Variants in TRPC1 observed in about 807,000 individuals in gnomAD.
TRPC1 encodes short transient receptor potential channel 1.
Under a neutral mutation model 88.2 loss-of-function variants are expected in TRPC1, and 42 were observed. The observed-to-expected ratio is 0.48, with a 90% confidence interval of 0.37 to 0.62. The LOEUF (loss-of-function observed/expected upper bound fraction) is 0.62. Among genes scored for constraint, TRPC1 ranks in the 20% least tolerant of loss-of-function variants. TRPC1 has a pLI of 0.00. For synonymous variants in TRPC1, 288 were observed against 331.8 expected (o/e 0.87, Z 1.43); for missense variants, 699 against 957.3 (o/e 0.73, Z 3.56).
intron 10 of TRPC1, among the ~76,000 whole-genome samples, chr3:142,802,748 GA>G (rs1936661804): frequency 6.6e-6 from 1 of 152,020 alleles, no homozygotes; most frequent in Non-Finnish European, 1.5e-5. Flanking sequence ...CACTTTTTAA[GA>G]GGTCATTAGA....
Position 142,799,271 on chromosome 3 carries a change from AG to A in TRPC1, c.1582-2897del, listed in dbSNP as rs578041481. 3.3e-4 allele frequency among the ~76,000 whole-genome samples: 50 copies of A among 152,236 alleles called. 1 individual carries two copies. The South Asian group carries it at 0.01, about 31-fold the overall frequency. On this transcript the variant is annotated intron_variant, in intron 9 of 12. Coordinates refer to ENST00000476941, the MANE Select transcript of TRPC1 (RefSeq NM_001251845.2). ...ATTACCTTTCTCTTTTCATTTCACA[AG>A]TTTTCATATTTCTCAAGTTAAACCG...
At chr3:142,730,052 T>C (rs1275587664) in intron 1 of TRPC1, among the ~76,000 whole-genome samples, 1 of 152,172 alleles carries the variant, frequency 6.6e-6, no homozygotes, top group Non-Finnish European at 1.5e-5. Flanking sequence ...ATATGTATAA[T>C]TCAAATGTAT....
chr3:142,733,740 C>G (rs575234490), intron 1 of TRPC1, among the ~76,000 whole-genome samples: 9 of 152,088 alleles, frequency 5.9e-5, no homozygotes, highest in Non-Finnish European at 1.2e-4. Flanking sequence ...TTCAAATCAC[C>G]TAGAAATTAT....
chr3:142,742,162 CAA>C (rs79513736), intron 2 of TRPC1, among the ~76,000 whole-genome samples: 81 of 130,042 alleles, frequency 6.2e-4, no homozygotes, highest in African/African-American at 2.1e-3. Context: ...GACTCTGTCT[CAA>C]AAAAAAAAAA....
intron 4 of TRPC1, among the ~76,000 whole-genome samples, chr3:142,763,434 A>G (rs1455367574): frequency 6.6e-6 from 1 of 152,010 alleles, no homozygotes; most frequent in Non-Finnish European, 1.5e-5. Context: ...TTATCATTAT[A>G]TAGTGACCCT....
At chr3:142,751,669 G>C (rs537950270) in intron 4 of TRPC1, among the ~76,000 whole-genome samples, 13 of 152,246 alleles carry the variant, frequency 8.5e-5, no homozygotes, top group African/African-American at 3.1e-4. Flanking sequence ...CAGGCAGCCT[G>C]GTGACAAACT....
intron 4 of TRPC1, among the ~76,000 whole-genome samples, chr3:142,755,888 T>C (rs1453065378): frequency 6.6e-6 from 1 of 152,140 alleles, no homozygotes; most frequent in African/African-American, 2.4e-5. Flanking sequence ...AAAAGTTCTC[T>C]CTTGCCTGTT....
At chr3:142,793,282 AAATG>A (rs2108144689) in intron 9 of TRPC1, among the ~76,000 whole-genome samples, 1 of 152,210 alleles carries the variant, frequency 6.6e-6, no homozygotes, top group Non-Finnish European at 1.5e-5. Flanking sequence ...CTTTTTATCA[AAATG>A]AATCTCACAT....
intron 4 of TRPC1, among the ~76,000 whole-genome samples, chr3:142,775,118 G>A (rs1451611007): frequency 6.6e-6 from 1 of 151,988 alleles, no homozygotes; most frequent in African/African-American, 2.4e-5. Context: ...TATGTCTTCA[G>A]AAATCCTTAA....
chr3:142,755,350 G>T lies in TRPC1; in HGVS notation c.632+6890G>T, dbSNP rs193281859. On this transcript the variant is annotated intron_variant, in intron 4 of 12. Coordinates refer to ENST00000476941, the MANE Select transcript of TRPC1 (RefSeq NM_001251845.2). Reference sequence around the variant, plus strand: ...TGAGGCAGGAGAATCACTTAAACCTGGGAGGCAGAGGTTGCGGTGAGTCAA... The same window carrying T: ...TGAGGCAGGAGAATCACTTAAACCTTGGAGGCAGAGGTTGCGGTGAGTCAA... Among the ~76,000 whole-genome samples, 537 of 152,206 alleles carry T rather than the reference G, an allele frequency of 3.5e-3. 1 individual carries two copies. Among genetic ancestry groups the T allele is most frequent in the Middle Eastern group, 6.8e-3 (2 of 294 alleles).
At chr3:142,802,467 T>A in intron 10 of TRPC1, 123 bp downstream of exon 10, 1 of 628,140 alleles carries the variant, frequency 1.6e-6, no homozygotes, top group Non-Finnish European at 2.4e-6. Flanking sequence ...GTAATGTTCA[T>A]AAACTTTAAT....
At position 142,792,288 on chromosome 3, in the gene TRPC1, G is replaced by C. The variant is rs1318648160; in HGVS notation, c.1438-536G>C. Among the ~76,000 whole-genome samples, 2 of 151,904 alleles carry C rather than the reference G, an allele frequency of 1.3e-5. No homozygotes were observed. The highest frequency in any genetic ancestry group is 2.4e-5 in the African/African-American group (1 of 41,382). ...AATCAGGACATTTTGAGAGTGAAAG[G>C]GGGCACTATTAATAATTATGCCAGG... On this transcript the variant is annotated intron_variant, in intron 8 of 12. Transcript: ENST00000476941. The surrounding 1 kb of genome is among the most constrained non-coding windows in gnomAD (Gnocchi z 4.0).
At chr3:142,766,373 G>A (rs1350177776) in intron 4 of TRPC1, among the ~76,000 whole-genome samples, 1 of 151,714 alleles carries the variant, frequency 6.6e-6, no homozygotes, top group East Asian at 1.9e-4. Flanking sequence ...AAAGAGACTG[G>A]CCTAGCCTCC....
chr3:142,795,712 G>T (rs148917688), intron 9 of TRPC1, among the ~76,000 whole-genome samples: 1 of 152,162 alleles, frequency 6.6e-6, no homozygotes, highest in East Asian at 1.9e-4. Context: ...TACAAGGAAC[G>T]TTAATAGAAG....
chr3:142,788,174 G>A (rs1222542079), intron 7 of TRPC1, among the ~76,000 whole-genome samples: 3 of 152,256 alleles, frequency 2.0e-5, no homozygotes, highest in East Asian at 1.9e-4. Context: ...TTTGCCTTTC[G>A]AAAAGATCAT....
chr3:142,788,821 A>G (rs1411621244), intron 7 of TRPC1, among the ~76,000 whole-genome samples: 1 of 152,130 alleles, frequency 6.6e-6, no homozygotes, highest in Non-Finnish European at 1.5e-5. Flanking sequence ...ATTAGTTTCA[A>G]CTTACTATGT....
At chr3:142,788,190 C>G (rs1665587691) in intron 7 of TRPC1, among the ~76,000 whole-genome samples, 1 of 152,158 alleles carries the variant, frequency 6.6e-6, no homozygotes, top group African/African-American at 2.4e-5. Context: ...ATCATTCTAT[C>G]TACAGGGTGG....
chr3:142,753,261 T>TA (rs1253892735), intron 4 of TRPC1, among the ~76,000 whole-genome samples: 3 of 152,072 alleles, frequency 2.0e-5, no homozygotes, highest in Non-Finnish European at 4.4e-5. Flanking sequence ...TGAGTAAGAG[T>TA]TAAAAATTGA....
In TRPC1 at chr3:142,757,614, C is replaced by T. The variant is rs566889814; in HGVS notation, c.632+9154C>T. On this transcript the variant is annotated intron_variant, in intron 4 of 12. Transcript: ENST00000476941. Reference sequence around the variant, plus strand: ...GTTGAACAATAAGAACACATGGACACAGGGGAACATCACACACCGGGGCCT... The same window carrying T: ...GTTGAACAATAAGAACACATGGACATAGGGGAACATCACACACCGGGGCCT... 1.9e-3 allele frequency among the ~76,000 whole-genome samples: 279 copies of T among 146,104 alleles called. 1 individual carries two copies. The highest frequency in any genetic ancestry group is 6.8e-3 in the African/African-American group (267 of 39,250).
Sources: allele counts gnomAD v4.1 joint callset (sites outside exome capture counted in the v4.1 genomes callset), GRCh38; gene constraint gnomAD v4.1.1; non-coding constraint Gnocchi (gnomAD v3.1); transcripts MANE v1.5; gene names NCBI Gene and HGNC (gene_info 2026-07-23, HGNC 2026-07-21).